The following AKAP6 variants were observed in gnomAD, a reference collection of about 807,000 sequenced individuals.
The protein encoded by AKAP6 is A-kinase anchoring protein 6.
In AKAP6, 58 loss-of-function variants were observed where a neutral mutation model predicts 188.5. That is an observed-to-expected ratio of 0.31 (90% CI 0.25 to 0.38). The LOEUF (loss-of-function observed/expected upper bound fraction) is 0.38. Among genes scored for constraint, AKAP6 ranks in the 10% least tolerant of loss-of-function variants. The pLI, the probability that AKAP6 is intolerant of heterozygous loss-of-function variation, is 1.00. For synonymous variants in AKAP6, 989 were observed against 998.6 expected, an observed-to-expected ratio of 0.99 and a Z score of 0.18; for missense variants, 2,710 against 2,740.0, an observed-to-expected ratio of 0.99 and a Z score of 0.24.
chr14:32,732,326 A>AG, intron 9 of AKAP6, 128 bp from the exon 10 acceptor site: 3 of 904,814 alleles, frequency 3.3e-6, no homozygotes, highest in Non-Finnish European at 4.9e-6. Context: ...ACTTAGGTTT[A>AG]GCCTCCCCAT....
At chr14:32,807,899 C>G (rs1359155452) in intron 12 of AKAP6, among the ~76,000 whole-genome samples, 1 of 152,184 alleles carries the variant, frequency 6.6e-6, no homozygotes, top group Non-Finnish European at 1.5e-5. Flanking sequence ...TGACTTGTCC[C>G]TTTGTTTTTA....
At chr14:32,471,719 C>T (rs1878794155) in intron 2 of AKAP6, among the ~76,000 whole-genome samples, 1 of 152,214 alleles carries the variant, frequency 6.6e-6, no homozygotes, top group Admixed American at 6.5e-5. Flanking sequence ...AGACATGTAC[C>T]TCCATCCATG....
chr14:32,567,176 C>A (rs1884231790), intron 4 of AKAP6, among the ~76,000 whole-genome samples: 3 of 152,182 alleles, frequency 2.0e-5, no homozygotes, highest in Non-Finnish European at 4.4e-5. Flanking sequence ...CTGCTTTGGC[C>A]TCCCAAAGTG....
chr14:32,779,415 CA>C (rs56103737), intron 12 of AKAP6, among the ~76,000 whole-genome samples: 2 of 105,356 alleles, frequency 1.9e-5, no homozygotes, highest in African/African-American at 3.9e-5. Flanking sequence ...GTCTCAGGAC[CA>C]AAAAAAAAAA....
intron 2 of AKAP6, among the ~76,000 whole-genome samples, chr14:32,491,431 C>T (rs1880007322): frequency 6.6e-6 from 1 of 152,178 alleles, no homozygotes; most frequent in East Asian, 1.9e-4. Flanking sequence ...AAATCTCGCT[C>T]AAACTTTTGG....
intron 11 of AKAP6, among the ~76,000 whole-genome samples, chr14:32,772,891 T>C (rs912392904): frequency 2.6e-5 from 4 of 152,220 alleles, no homozygotes; most frequent in African/African-American, 7.2e-5. Flanking sequence ...ACTTACACAC[T>C]ATCTGTAGGC....
At chr14:32,382,205 C>A (rs1447887687) in intron 1 of AKAP6, among the ~76,000 whole-genome samples, 2 of 152,094 alleles carry the variant, frequency 1.3e-5, no homozygotes, top group Non-Finnish European at 2.9e-5. Flanking sequence ...TTGGTCCTCT[C>A]ATCAGTTAAG....
At chr14:32,792,646 C>T (rs1378664309) in intron 12 of AKAP6, among the ~76,000 whole-genome samples, 1 of 152,158 alleles carries the variant, frequency 6.6e-6, no homozygotes, top group Admixed American at 6.5e-5. Flanking sequence ...CCAGAACTTC[C>T]AATACTATGT....
intron 12 of AKAP6, among the ~76,000 whole-genome samples, chr14:32,816,317 A>G (rs2284901): frequency 0.5 from 75,293 of 151,848 alleles, 20,371 homozygotes; most frequent in African/African-American, 0.7. Context: ...CTCAGCCTCC[A>G]GAGTAGCTAG....
In AKAP6 at chr14:32,661,230, T is replaced by A. The variant is rs189722116; in HGVS notation, c.2731-17081T>A. On this transcript the variant is annotated intron_variant, in intron 7 of 13. Transcript: ENST00000280979. ...TAAATTTCTAAATTACTACAGGACC[T>A]CCTATAAATCCTACATATCAGTAAA... Among the ~76,000 whole-genome samples the A allele has an allele frequency of 1.6e-4, 24 of 152,112 alleles. No homozygotes were observed. The East Asian group carries it at 4.3e-3, about 27-fold the overall frequency.
chr14:32,606,943 A>G (rs560046194), intron 7 of AKAP6, among the ~76,000 whole-genome samples: 3 of 152,278 alleles, frequency 2.0e-5, no homozygotes, highest in East Asian at 3.9e-4. Flanking sequence ...ATTGCTTACA[A>G]TATACCCAAC....
chr14:32,484,856 G>C, intron 2 of AKAP6: 1 of 220,622 alleles, frequency 4.5e-6, no homozygotes, highest in Non-Finnish European at 6.6e-6. Context: ...TCTAAAGACA[G>C]GGGCTAAGCC....
intron 9 of AKAP6, among the ~76,000 whole-genome samples, chr14:32,706,399 C>A (rs1185915685): frequency 6.6e-6 from 1 of 152,054 alleles, no homozygotes; most frequent in African/African-American, 2.4e-5. Flanking sequence ...CTGAGCCTCA[C>A]TGGGGCCTCC....
chr14:32,332,764 T>C (rs1199720558), intron 1 of AKAP6, among the ~76,000 whole-genome samples: 1 of 152,158 alleles, frequency 6.6e-6, no homozygotes, highest in African/African-American at 2.4e-5. Flanking sequence ...AATCTGAATC[T>C]ATCTCTTAGG....
At chr14:32,800,445 G>A (rs1402555216) in intron 12 of AKAP6, among the ~76,000 whole-genome samples, 2 of 151,818 alleles carry the variant, frequency 1.3e-5, no homozygotes, top group African/African-American at 2.4e-5. Flanking sequence ...AATAATGGGT[G>A]TTCTGTTTCT....
At chr14:32,417,145 G>A (rs368224264) in intron 1 of AKAP6, among the ~76,000 whole-genome samples, 44 of 152,184 alleles carry the variant, frequency 2.9e-4, no homozygotes, top group African/African-American at 9.4e-4. Flanking sequence ...AATAAAAAAC[G>A]ATATTATTTA....
At chr14:32,809,488 A>T (rs2034168798) in intron 12 of AKAP6, among the ~76,000 whole-genome samples, 1 of 152,188 alleles carries the variant, frequency 6.6e-6, no homozygotes, top group Admixed American at 6.5e-5. Flanking sequence ...ATGGTTAATT[A>T]TCTTCTCCAG....
chr14:32,792,720 G>A (rs546244635), intron 12 of AKAP6, among the ~76,000 whole-genome samples: 1 of 152,136 alleles, frequency 6.6e-6, no homozygotes, highest in Non-Finnish European at 1.5e-5. Flanking sequence ...AATGCTTCTA[G>A]CTTTTGCCCA....
intron 9 of AKAP6, among the ~76,000 whole-genome samples, chr14:32,714,537 C>T (rs2030081334): frequency 1.3e-5 from 2 of 151,986 alleles, no homozygotes; most frequent in Non-Finnish European, 2.9e-5. Flanking sequence ...TATGAAACTT[C>T]TTAGACACTT....
Sources: gnomAD v4.1 joint callset for allele counts (sites outside exome capture counted in the v4.1 genomes callset) on GRCh38, gnomAD v4.1.1 for gene constraint, MANE v1.5 for transcripts, NCBI Gene and HGNC (gene_info 2026-07-23, HGNC 2026-07-21) for gene names.